The following LPAR1 variants were observed in gnomAD, a reference collection of about 807,000 sequenced individuals.
LPAR1 encodes the protein lysophosphatidic acid receptor 1.
A neutral mutation model predicts 23.8 loss-of-function variants in LPAR1; 5 were observed. The observed-to-expected ratio is 0.21, with a 90% CI of 0.11 to 0.44. The LOEUF (loss-of-function observed/expected upper bound fraction) is 0.44. Ranked by LOEUF, LPAR1 falls within the 20% of genes least tolerant of loss-of-function variation. The pLI is 0.99. For synonymous variants in LPAR1, 160 were observed against 164.7 expected (o/e 0.97, Z 0.22); for missense variants, 311 against 482.8 (o/e 0.64, Z 3.33).
At chr9:110,898,372 G>T (rs753069632) in intron 5 of LPAR1, among the ~76,000 whole-genome samples, 1 of 152,166 alleles carries the variant, frequency 6.6e-6, no homozygotes, top group Non-Finnish European at 1.5e-5. Flanking sequence ...ACTTTTTTAT[G>T]TAGATTACCG....
At chr9:110,952,376 T>C (rs1322252702) in intron 4 of LPAR1, among the ~76,000 whole-genome samples, 1 of 152,070 alleles carries the variant, frequency 6.6e-6, no homozygotes, top group African/African-American at 2.4e-5. Flanking sequence ...ACAGAGCTCA[T>C]GCCAATTCCC....
chr9:111,008,768 G>A (rs1175097719), intron 2 of LPAR1, among the ~76,000 whole-genome samples: 1 of 152,112 alleles, frequency 6.6e-6, no homozygotes, highest in Non-Finnish European at 1.5e-5. Flanking sequence ...CCTACTGCTG[G>A]TGTAGCCACC....
At position 110,932,961 on chromosome 9, in the gene LPAR1, A is replaced by G. The variant is rs565200944; in HGVS notation, c.793+8460T>C. Among the ~76,000 whole-genome samples the G allele has an allele frequency of 3.9e-4, 59 of 152,362 alleles. 1 individual carries two copies. In the South Asian group the frequency reaches 0.012, roughly 32 times the overall value. ...ACTGCAGATCCATCTGAGGGAGCTC[A>G]TGACTTTCTTATAGACATTGACAAA... On this transcript the variant is annotated intron_variant, in intron 5 of 5. Transcript: ENST00000683809.
At chr9:110,930,486 G>T (rs1265421606) in intron 5 of LPAR1, among the ~76,000 whole-genome samples, 1 of 151,816 alleles carries the variant, frequency 6.6e-6, no homozygotes, top group African/African-American at 2.4e-5. Context: ...CTCCAGCCTA[G>T]ACAACAAGAG....
intron 5 of LPAR1, among the ~76,000 whole-genome samples, chr9:110,882,184 A>C (rs538085043): frequency 8.3e-4 from 127 of 152,314 alleles, no homozygotes; most frequent in Non-Finnish European, 1.5e-3. Flanking sequence ...ATTTATACCC[A>C]AAATTATTGT....
intron 5 of LPAR1, among the ~76,000 whole-genome samples, chr9:110,915,856 A>T (rs2093029849): frequency 6.6e-6 from 1 of 152,196 alleles, no homozygotes; most frequent in Non-Finnish European, 1.5e-5. Context: ...AAATTGAACG[A>T]GTGTGCCTTC....
At chr9:110,970,581 AAGG>A (rs2096385458) in intron 4 of LPAR1, among the ~76,000 whole-genome samples, 3 of 152,166 alleles carry the variant, frequency 2.0e-5, no homozygotes, top group Non-Finnish European at 4.4e-5. Flanking sequence ...ATAAAATCCC[AAGG>A]TTGATAACAA....
At chr9:110,968,295 T>A (rs1243628073) in intron 4 of LPAR1, among the ~76,000 whole-genome samples, 1 of 152,176 alleles carries the variant, frequency 6.6e-6, no homozygotes, top group African/African-American at 2.4e-5. Flanking sequence ...GTCAATTGGC[T>A]CGCGAAATTC....
intron 5 of LPAR1, among the ~76,000 whole-genome samples, chr9:110,902,463 T>C (rs1274424521): frequency 6.6e-6 from 1 of 152,196 alleles, no homozygotes; most frequent in Non-Finnish European, 1.5e-5. Flanking sequence ...TTCTCTCTCC[T>C]GCTGCCTTGT....
intron 2 of LPAR1, among the ~76,000 whole-genome samples, chr9:110,986,886 T>C (rs10980680): frequency 0.37 from 56,158 of 151,906 alleles, 11,196 homozygotes; most frequent in Non-Finnish European, 0.43. Flanking sequence ...GCTTGAATGA[T>C]TGTGATTTAA....
chr9:110,928,876 C>T (rs540661425), intron 5 of LPAR1, among the ~76,000 whole-genome samples: 62 of 152,324 alleles, frequency 4.1e-4, no homozygotes, highest in African/African-American at 1.4e-3. Context: ...AGGCTAGGCT[C>T]CTAAGTGGCT....
At chr9:111,036,980 A>C (rs10980700) in intron 1 of LPAR1, among the ~76,000 whole-genome samples, 14,370 of 152,144 alleles carry the variant, frequency 0.094, 1,572 homozygotes, top group African/African-American at 0.27. Flanking sequence ...ATACCTCTAA[A>C]ATACACCCTT....
intron 2 of LPAR1, among the ~76,000 whole-genome samples, chr9:111,012,993 C>T (rs1395334500): frequency 6.7e-6 from 1 of 149,136 alleles, no homozygotes; most frequent in Non-Finnish European, 1.5e-5. Flanking sequence ...TTAAGCTTTA[C>T]GTGATTTAGA....
chr9:110,980,428 A>C (rs901066046), intron 2 of LPAR1, among the ~76,000 whole-genome samples: 1 of 152,078 alleles, frequency 6.6e-6, no homozygotes, highest in Non-Finnish European at 1.5e-5. Flanking sequence ...CAAGCCTCAG[A>C]GCTATTTGAC....
intron 5 of LPAR1, among the ~76,000 whole-genome samples, chr9:110,937,614 A>G (rs1189033406): frequency 2.0e-5 from 3 of 152,212 alleles, no homozygotes; most frequent in African/African-American, 7.2e-5. Context: ...AGTATTTCAC[A>G]ACTAAAAATA....
chr9:110,886,399 A>G (rs2082401949), intron 5 of LPAR1, among the ~76,000 whole-genome samples: 1 of 128,790 alleles, frequency 7.8e-6, no homozygotes, highest in Non-Finnish European at 1.6e-5. Context: ...CCAGAGCATT[A>G]TTACCCATCA....
chr9:110,983,024 CA>C (rs1199260519), intron 2 of LPAR1, among the ~76,000 whole-genome samples: 2 of 151,892 alleles, frequency 1.3e-5, no homozygotes, highest in Non-Finnish European at 2.9e-5. Flanking sequence ...GAAGTATTAG[CA>C]AGGATGTGAA....
At chr9:110,987,445 T>G (rs1252689552) in intron 2 of LPAR1, among the ~76,000 whole-genome samples, 1 of 151,398 alleles carries the variant, frequency 6.6e-6, no homozygotes, top group African/African-American at 2.4e-5. Flanking sequence ...CCCTACTCCC[T>G]GGCCCCCTAC....
At position 110,997,014 on chromosome 9, in the gene LPAR1, G is replaced by A. The variant is rs78679577; in HGVS notation, c.-181-23456C>T. 9.2e-3 allele frequency among the ~76,000 whole-genome samples: 1,400 copies of A among 152,248 alleles called. 12 individuals are homozygous for A. The highest frequency in any genetic ancestry group is 0.011 in the Non-Finnish European group (775 of 68,028). On this transcript the variant is annotated intron_variant, in intron 2 of 5. Transcript: ENST00000683809. ...AAATTGCAGCTGTTTGTACTTATTCGTGGTATGGTGTATTTTGAAACAAAA... is the reference window on the plus strand; with the variant it reads ...AAATTGCAGCTGTTTGTACTTATTCATGGTATGGTGTATTTTGAAACAAAA...
Sources: allele counts gnomAD v4.1 joint callset (sites outside exome capture counted in the v4.1 genomes callset), GRCh38; gene constraint gnomAD v4.1.1; transcripts MANE v1.5; gene names NCBI Gene and HGNC (gene_info 2026-07-23, HGNC 2026-07-21).